Variants in LY9 observed in about 807,000 individuals in gnomAD.
LY9 encodes T-lymphocyte surface antigen Ly-9.
LY9 carries 59 observed loss-of-function variants against 64.6 expected under a neutral mutation model. That is an observed-to-expected ratio of 0.91 (90% CI 0.74 to 1.13). LY9 has a LOEUF of 1.13. Among genes scored for constraint, LY9 ranks in the 50% most tolerant of loss-of-function variants. The pLI, the probability that LY9 is intolerant of heterozygous loss-of-function variation, is 0.00. For missense variants in LY9, 789 were observed against 797.2 expected, an observed-to-expected ratio of 0.99 and a Z score of 0.12; for synonymous variants, 281 against 308.5, an observed-to-expected ratio of 0.91 and a Z score of 0.93.
At position 160,818,285 on chromosome 1, in the gene LY9, C is replaced by T. The variant is rs760022449; in HGVS notation, c.1410C>T (p.Ile470=). ...TGGTTTGCCTTCTGTGCGTTGGGATCTTCAGCTGGTGCATTTGGAAGCGAA... is the reference window on the plus strand; with the variant it reads ...TGGTTTGCCTTCTGTGCGTTGGGATTTTCAGCTGGTGCATTTGGAAGCGAA... ...FLMVCLLCVG[I]FSWCIWKRKG... is the part of the protein sequence containing the mutation. The change falls in exon 6 of 10, where the codon ATC becomes ATT. Residue 470 remains isoleucine (I), a synonymous_variant. Transcript: ENST00000263285. 6.2e-7 allele frequency: 1 copy of T among 1,614,110 alleles called. No individual in the cohort carries two copies. The highest frequency in any genetic ancestry group is 1.1e-5 in the South Asian group (1 of 91,066).
At chr1:160,823,817 C>T (rs753055764) in intron 8 of LY9, 21 bp downstream of exon 8, 9 of 1,547,416 alleles carry the variant, frequency 5.8e-6, no homozygotes, top group Non-Finnish European at 8.0e-6. Flanking sequence ...CTGATCAATA[C>T]ACCTTCCTCC....
At chr1:160,799,593 T>C in intron 1 of LY9, 160 bp from the exon 2 acceptor site, 1 of 584,748 alleles carries the variant, frequency 1.7e-6, no homozygotes, top group East Asian at 2.8e-5. Context: ...GAGGAATTAA[T>C]GACTGTGCTA....
intron 2 of LY9, among the ~76,000 whole-genome samples, chr1:160,803,672 A>G (rs571544058): frequency 1.3e-5 from 2 of 152,286 alleles, no homozygotes; most frequent in African/African-American, 4.8e-5. Flanking sequence ...TATCAAATCT[A>G]AGAGTTTTTT....
chr1:160,819,787 T>C (rs1444430524), intron 7 of LY9, among the ~76,000 whole-genome samples: 1 of 26,356 alleles, frequency 3.8e-5, no homozygotes, highest in African/African-American at 1.2e-4. Flanking sequence ...CAAGACTCTG[T>C]CTCAAAAAAA....
chr1:160,827,020 G>A (rs1281178864), intron 9 of LY9, among the ~76,000 whole-genome samples: 2 of 152,206 alleles, frequency 1.3e-5, no homozygotes, highest in Non-Finnish European at 2.9e-5. Context: ...CACTTACAGT[G>A]TAAGTTGAAA....
chr1:160,819,815 G>C (rs1438057944), intron 7 of LY9, among the ~76,000 whole-genome samples: 1 of 100,268 alleles, frequency 1.0e-5, no homozygotes, highest in East Asian at 3.4e-4. Flanking sequence ...AAAACAGAAA[G>C]AGAAAGAAAG....
chr1:160,810,188 T>G (rs968534685), intron 2 of LY9: 1 of 152,270 alleles, frequency 6.6e-6, no homozygotes, highest in Non-Finnish European at 1.5e-5. Context: ...CATCTTTTCA[T>G]GTATTGAATA....
chr1:160,811,601 C>CT (rs1439491755), intron 2 of LY9: 1 of 152,126 alleles, frequency 6.6e-6, no homozygotes. Flanking sequence ...AAATTTATCA[C>CT]TTAAACATTC....
At chr1:160,800,955 A>G (rs1042360486) in intron 2 of LY9, among the ~76,000 whole-genome samples, 2 of 152,200 alleles carry the variant, frequency 1.3e-5, no homozygotes, top group Non-Finnish European at 2.9e-5. Flanking sequence ...TTCTTTATCC[A>G]TTCTTCCGCT....
At position 160,814,567 on chromosome 1, in the gene LY9, GGGAA is replaced by G; in HGVS notation, c.880_883del (p.Glu294LysfsTer28). 1.2e-6 allele frequency: 2 copies of G among 1,614,158 alleles called. No homozygotes were observed. Among genetic ancestry groups the G allele is most frequent in the Non-Finnish European group, 1.7e-6 (2 of 1,180,026 alleles). ...AACACATCCATCATTAGCAAAGAGA[GGGAA>G]GAAGCAGCAACGGCAGATCCACTCA... is the stretch of plus-strand genomic sequence containing the variant. On this transcript the variant is annotated frameshift_variant, in exon 4 of 10. Transcript: ENST00000263285. LOFTEE classifies it high-confidence loss of function.
rs1425707233 is a variant in LY9 at position 160,796,276 on chromosome 1, C to T, written c.89C>T (p.Ser30Phe). The change falls in exon 1 of 10, where the codon TCT (serine) becomes TTT (phenylalanine). Residue 30 changes from serine (S) to phenylalanine (F), a missense_variant. By Grantham distance (155) the Ser-to-Phe change is radical (BLOSUM62 -2). Transcript: ENST00000263285. The part of the protein sequence containing the change: ...PQRSQLQIFS[S>F]VLQTSLLFLL... ...AGGAGTCAGCTGCAAATATTCTCTT[C>T]TGTTCTACAGACCTCTCTCCTCTTC... 1 of 1,613,668 alleles carries T rather than the reference C, an allele frequency of 6.2e-7. No homozygotes were observed. Among genetic ancestry groups the T allele is most frequent in the African/African-American group, 1.3e-5 (1 of 74,904 alleles).
In LY9 at chr1:160,801,356, C is replaced by T. The variant is rs564647025; in HGVS notation, c.454+1274C>T. Among the ~76,000 whole-genome samples the T allele has an allele frequency of 4.0e-4, 61 of 152,260 alleles. No homozygotes were observed. In the South Asian group the frequency reaches 5.0e-3, roughly 12 times the overall value. On this transcript the variant is annotated intron_variant, in intron 2 of 9. Transcript: ENST00000263285. ...ATATATCTGTTGGTCATGTGTATGT[C>T]TTCTTTTGAGAAATGTCTGTATCCT...
chr1:160,825,221 A>G (rs900835682), intron 9 of LY9, among the ~76,000 whole-genome samples: 5 of 151,938 alleles, frequency 3.3e-5, no homozygotes, highest in African/African-American at 1.2e-4. Flanking sequence ...AAAAAAAAAA[A>G]ATCCCTTACA....
chr1:160,814,839 G>A (rs772329829), intron 4 of LY9, 78 bp downstream of exon 4: 24 of 1,195,082 alleles, frequency 2.0e-5, no homozygotes, highest in East Asian at 1.8e-4. Flanking sequence ...TCCACCTTCC[G>A]CTTCTCCAAG....
intron 3 of LY9, 45 bp from the exon 4 acceptor site, chr1:160,814,375 G>T (rs764176826): frequency 1.4e-6 from 2 of 1,463,946 alleles, no homozygotes; most frequent in Admixed American, 3.6e-5. Context: ...GGCCAAGGGA[G>T]TAGGGACAGT....
rs995053868 is a variant in LY9, at chr1:160,824,897, G to A, written c.1899+648G>A. Among the ~76,000 whole-genome samples the A allele has an allele frequency of 3.3e-5, 5 of 149,526 alleles. 1 individual carries two copies. The highest frequency in any genetic ancestry group is 4.3e-4 in the South Asian group (2 of 4,680). ...TCAGAGACTGAGGCAGGAGAATGGC[G>A]TGAACCCAGGAGGCAGAGCTTACAG... On this transcript the variant is annotated intron_variant, in intron 9 of 9. Coordinates refer to ENST00000263285, the MANE Select transcript of LY9 (RefSeq NM_002348.4).
chr1:160,808,415 G>A (rs1667185082), intron 2 of LY9, among the ~76,000 whole-genome samples: 1 of 152,188 alleles, frequency 6.6e-6, no homozygotes, highest in Non-Finnish European at 1.5e-5. Flanking sequence ...TAACTGCAGA[G>A]GTCTCAGAAA....
At chr1:160,816,535 C>T (rs945890698) in intron 4 of LY9, 59 bp from the exon 5 acceptor site, 9 of 1,507,644 alleles carry the variant, frequency 6.0e-6, no homozygotes, top group Admixed American at 2.1e-5. Context: ...TGAATGAAGA[C>T]AGGTGACTGC....
chr1:160,802,700 A>AT (rs1666618683), intron 2 of LY9: 3 of 941,478 alleles, frequency 3.2e-6, no homozygotes, highest in East Asian at 2.4e-4. Flanking sequence ...CTAAAAAAAT[A>AT]AAAATAAATA....
Sources: gnomAD v4.1 joint callset for allele counts (sites outside exome capture counted in the v4.1 genomes callset) on GRCh38, gnomAD v4.1.1 for gene constraint, MANE v1.5 for transcripts, NCBI Gene and HGNC (gene_info 2026-07-23, HGNC 2026-07-21) for gene names.